The following CNTNAP2 variants were observed in gnomAD, a reference collection of about 807,000 sequenced individuals.
CNTNAP2 encodes the protein contactin associated protein 2.
In CNTNAP2, 98 loss-of-function variants were observed where a neutral mutation model predicts 155.2. The ratio of observed to expected loss-of-function variants is 0.63; its 90% CI spans 0.54 to 0.75. The LOEUF is 0.75. Among genes scored for constraint, CNTNAP2 ranks in the 30% least tolerant of loss-of-function variants. The pLI is 0.00. For missense variants in CNTNAP2, 1,727 were observed against 1,688.1 expected (o/e 1.02, Z -0.40); for synonymous variants, 651 against 631.2 (o/e 1.03, Z -0.47).
chr7:147,821,902 TA>T (rs1455136511), intron 13 of CNTNAP2, among the ~76,000 whole-genome samples: 1 of 152,078 alleles, frequency 6.6e-6, no homozygotes, highest in Non-Finnish European at 1.5e-5. Context: ...TGATCAAGAT[TA>T]AAAAACAAAA....
intron 8 of CNTNAP2, among the ~76,000 whole-genome samples, chr7:147,247,441 C>T (rs1033291893): frequency 6.6e-6 from 1 of 152,126 alleles, no homozygotes; most frequent in African/African-American, 2.4e-5. Context: ...ATACCTGCTC[C>T]CAGATTCCCA....
intron 1 of CNTNAP2, among the ~76,000 whole-genome samples, chr7:146,763,089 C>T (rs571263487): frequency 3.9e-5 from 6 of 152,150 alleles, no homozygotes; most frequent in Admixed American, 1.3e-4. Flanking sequence ...CGATCCCCTA[C>T]AAAGCCCAGC....
intron 1 of CNTNAP2, among the ~76,000 whole-genome samples, chr7:146,461,058 C>G (rs988478266): frequency 3.3e-5 from 5 of 152,006 alleles, no homozygotes; most frequent in Non-Finnish European, 7.4e-5. Flanking sequence ...ACACATAGAT[C>G]AAAACATCAC....
At chr7:148,234,423 C>T (rs141650469) in intron 20 of CNTNAP2, among the ~76,000 whole-genome samples, 3 of 152,148 alleles carry the variant, frequency 2.0e-5, no homozygotes, top group Non-Finnish European at 4.4e-5. Context: ...ATGCTATGTA[C>T]CCACCATTGA....
At chr7:146,693,361 CAAAT>C (rs1014967120) in intron 1 of CNTNAP2, among the ~76,000 whole-genome samples, 78 of 152,016 alleles carry the variant, frequency 5.1e-4, no homozygotes, top group African/African-American at 1.9e-3. Flanking sequence ...CAAGCAGAAA[CAAAT>C]AATTTATTCA....
rs530294619 is a variant in CNTNAP2, at chr7:147,848,261, T to C, written c.2099-55304T>C. On this transcript the variant is annotated intron_variant, in intron 13 of 23. Coordinates refer to ENST00000361727, the MANE Select transcript of CNTNAP2 (RefSeq NM_014141.6). ...AGCAATCAGCGAGATTCCGTAGGCG[T>C]AGGACCCTCTGAGCCAGGTGTGGGA... 2.0e-5 allele frequency among the ~76,000 whole-genome samples: 3 copies of C among 148,004 alleles called. No homozygotes were observed. The Admixed American group carries it at 2.1e-4, about 10-fold the overall frequency.
chr7:146,250,937 G>A (rs117813298), intron 1 of CNTNAP2, among the ~76,000 whole-genome samples: 2 of 152,284 alleles, frequency 1.3e-5, no homozygotes, highest in Non-Finnish European at 2.9e-5. Context: ...GTAGTTTAGT[G>A]AGCTCAAGGT....
In CNTNAP2 at chr7:146,483,282, AATATATATATATATATATATATAT is replaced by A. The variant is rs200796835; in HGVS notation, c.98-290965_98-290942del. On this transcript the variant is annotated intron_variant, in intron 1 of 23. Coordinates refer to ENST00000361727, the MANE Select transcript of CNTNAP2 (RefSeq NM_014141.6). ...CAGAGCAAGACTCCGTCTAAAAAAA[AATATATATATATATATATATATAT>A]ATATATATATATATATATATATACA... Among the ~76,000 whole-genome samples the A allele has an allele frequency of 1.5e-3, 61 of 39,884 alleles. 2 individuals are homozygous for A. The highest frequency in any genetic ancestry group is 1.7e-3 in the South Asian group (2 of 1,188). 26.2% of individuals were successfully genotyped at this position (39,884 alleles called of 152,430 possible).
chr7:148,011,572 C>T (rs1195915029), intron 15 of CNTNAP2, among the ~76,000 whole-genome samples: 1 of 152,078 alleles, frequency 6.6e-6, no homozygotes, highest in African/African-American at 2.4e-5. Context: ...TGTTATCTTT[C>T]TGCTTATCCC....
chr7:147,983,353 A>G (rs1448252542), intron 15 of CNTNAP2, among the ~76,000 whole-genome samples: 2 of 152,114 alleles, frequency 1.3e-5, no homozygotes, highest in Admixed American at 1.3e-4. Context: ...AGGGACTAGC[A>G]TGCAGGTTCT....
chr7:148,409,433 T>C lies in CNTNAP2; in HGVS notation c.3758T>C (p.Ile1253Thr), dbSNP rs767821521. The C allele has an allele frequency of 8.7e-5, 141 of 1,613,826 alleles. 2 individuals are homozygous for C. In the Admixed American group the frequency reaches 2.0e-3, roughly 23 times the overall value. The change falls in exon 23 of 24, where the codon ATA (isoleucine) becomes ACA (threonine). Residue 1253 changes from isoleucine (I) to threonine (T), a missense_variant. By Grantham distance (89) the Ile-to-Thr change is moderately conservative. Coordinates refer to ENST00000361727, the MANE Select transcript of CNTNAP2 (RefSeq NM_014141.6). ...FPYNPGQGQA[I>T]RNGVNRNSAI... is the part of the protein sequence containing the mutation. The stretch of plus-strand genomic sequence containing the variant: ...TATAATCCAGGACAAGGCCAAGCTA[T>C]AAGAAATGGAGTCAACAGAAACTCG...
chr7:147,741,684 T>C (rs1187711629), intron 13 of CNTNAP2, among the ~76,000 whole-genome samples: 1 of 152,172 alleles, frequency 6.6e-6, no homozygotes, highest in East Asian at 1.9e-4. Flanking sequence ...TTCAGTTATT[T>C]TGAAATAACC....
chr7:147,347,224 A>G (rs1461572725), intron 9 of CNTNAP2, among the ~76,000 whole-genome samples: 2 of 151,932 alleles, frequency 1.3e-5, no homozygotes, highest in African/African-American at 4.8e-5. Context: ...TCTTCCCTTG[A>G]TGGTGAGTGA....
At chr7:146,524,121 G>A (rs567080473) in intron 1 of CNTNAP2, among the ~76,000 whole-genome samples, 31 of 152,166 alleles carry the variant, frequency 2.0e-4, no homozygotes, top group Non-Finnish European at 2.9e-4. Context: ...AGTATCATGC[G>A]AGTTTGTCAA....
chr7:146,831,313 A>T (rs571622743), intron 2 of CNTNAP2, among the ~76,000 whole-genome samples: 1 of 152,134 alleles, frequency 6.6e-6, no homozygotes, highest in African/African-American at 2.4e-5. Context: ...TAAATATTCA[A>T]GAAAGCTAAG....
chr7:148,357,041 A>AGTACTT (rs1350983138), intron 21 of CNTNAP2, among the ~76,000 whole-genome samples: 1 of 152,078 alleles, frequency 6.6e-6, no homozygotes, highest in African/African-American at 2.4e-5. Context: ...ATCCATCCCT[A>AGTACTT]GTACTTTGCT....
chr7:148,093,410 G>A (rs918077600), intron 15 of CNTNAP2, among the ~76,000 whole-genome samples: 4 of 152,064 alleles, frequency 2.6e-5, no homozygotes, highest in East Asian at 1.9e-4. Context: ...CTGATATGAC[G>A]ACTATTGTCA....
intron 13 of CNTNAP2, among the ~76,000 whole-genome samples, chr7:147,755,833 G>A (rs959403185): frequency 2.0e-5 from 3 of 152,050 alleles, no homozygotes; most frequent in South Asian, 4.1e-4. Flanking sequence ...GGAGCCTCAC[G>A]TTTTCATTTT....
chr7:148,254,648 C>A (rs919175197), intron 20 of CNTNAP2, among the ~76,000 whole-genome samples: 9 of 151,910 alleles, frequency 5.9e-5, no homozygotes, highest in African/African-American at 2.2e-4. Context: ...TGGTGGCGGG[C>A]ACCTGTAGTC....
Sources: allele counts gnomAD v4.1 joint callset (sites outside exome capture counted in the v4.1 genomes callset), GRCh38; gene constraint gnomAD v4.1.1; transcripts MANE v1.5; gene names NCBI Gene and HGNC (gene_info 2026-07-23, HGNC 2026-07-21).